PALLD: variants seen among roughly 807,000 people sequenced by gnomAD.
PALLD encodes palladin, cytoskeletal associated protein.
PALLD carries 61 observed loss-of-function variants against 123.5 expected under a neutral mutation model. That is an observed-to-expected ratio of 0.49 (90% CI 0.40 to 0.61). The LOEUF is 0.61. Among genes scored for constraint, PALLD ranks in the 20% least tolerant of loss-of-function variants. The probability of loss-of-function intolerance (pLI) is 0.00; values close to 1 mark genes in which losing one functional copy is unlikely to be tolerated. For synonymous variants in PALLD, 465 were observed against 496.4 expected (o/e 0.94, Z 0.84); for missense variants, 1,273 against 1,377.0 (o/e 0.92, Z 1.20).
At chr4:168,616,888 A>G (rs1774270856) in intron 2 of PALLD, among the ~76,000 whole-genome samples, 1 of 152,160 alleles carries the variant, frequency 6.6e-6, no homozygotes, top group Non-Finnish European at 1.5e-5. Context: ...CTTTGCCCTC[A>G]TGCCTCAAGT....
At chr4:168,767,939 C>G (rs1465302394) in intron 10 of PALLD, among the ~76,000 whole-genome samples, 1 of 152,154 alleles carries the variant, frequency 6.6e-6, no homozygotes, top group Non-Finnish European at 1.5e-5. Flanking sequence ...CCAGCCTTGT[C>G]TCCACCATTG....
chr4:168,705,843 A>G (rs1266185759), intron 8 of PALLD, among the ~76,000 whole-genome samples: 3 of 151,998 alleles, frequency 2.0e-5, no homozygotes, highest in African/African-American at 4.8e-5. Flanking sequence ...GGGTTTCACC[A>G]TGTTGCCCAG....
At chr4:168,638,069 G>A (rs1379166434) in intron 2 of PALLD, among the ~76,000 whole-genome samples, 2 of 151,750 alleles carry the variant, frequency 1.3e-5, no homozygotes, top group Non-Finnish European at 2.9e-5. Flanking sequence ...AAACCACAAG[G>A]TCACAGATGT....
chr4:168,544,122 G>C (rs1383020562), intron 2 of PALLD, among the ~76,000 whole-genome samples: 1 of 152,210 alleles, frequency 6.6e-6, no homozygotes, highest in African/African-American at 2.4e-5. Flanking sequence ...GTATTTATCT[G>C]TGTGAATGTG....
chr4:168,728,631 G>A (rs761679064), intron 10 of PALLD, among the ~76,000 whole-genome samples: 6 of 152,032 alleles, frequency 3.9e-5, no homozygotes, highest in South Asian at 2.1e-4. Context: ...TCTAGATATC[G>A]AATCATATTA....
At chr4:168,913,298 G>C (rs190984499) in intron 15 of PALLD, among the ~76,000 whole-genome samples, 2 of 151,904 alleles carry the variant, frequency 1.3e-5, no homozygotes, top group East Asian at 1.9e-4. Flanking sequence ...CACCACGCCC[G>C]GCTAATTTTT....
chr4:168,499,067 C>T (rs1217987739), intron 1 of PALLD, among the ~76,000 whole-genome samples: 1 of 148,646 alleles, frequency 6.7e-6, no homozygotes, highest in East Asian at 2.0e-4. Context: ...GGAAAATAAT[C>T]CATGTGTATT....
At chr4:168,812,095 T>G (rs1490670658) in intron 10 of PALLD, among the ~76,000 whole-genome samples, 1 of 152,118 alleles carries the variant, frequency 6.6e-6, no homozygotes, top group East Asian at 1.9e-4. Context: ...GAACATGAGG[T>G]GAGAGTGGTT....
At chr4:168,759,098 G>A (rs1216881682) in intron 10 of PALLD, among the ~76,000 whole-genome samples, 2 of 147,234 alleles carry the variant, frequency 1.4e-5, no homozygotes, top group African/African-American at 5.0e-5. Flanking sequence ...AGGATCACTT[G>A]AACCCGGGAG....
At chr4:168,905,790 C>CTTTTTTTTTTTTTTTTTT (rs59427697) in intron 15 of PALLD, among the ~76,000 whole-genome samples, 49 of 113,096 alleles carry the variant, frequency 4.3e-4, no homozygotes, top group Non-Finnish European at 6.8e-4. Context: ...GCTTTTTTTT[C>CTTTTTTTTTTTTTTTTTT]TTTTTTTTTT....
chr4:168,885,387 G>A (rs1365075762), intron 10 of PALLD: 4 of 152,152 alleles, frequency 2.6e-5, no homozygotes, highest in African/African-American at 7.2e-5. Context: ...TACTAAAATT[G>A]CAATGATACA....
chr4:168,583,082 A>G (rs550841212), intron 2 of PALLD, among the ~76,000 whole-genome samples: 1 of 152,298 alleles, frequency 6.6e-6, no homozygotes, highest in East Asian at 1.9e-4. Flanking sequence ...TCTCTTCTAT[A>G]TATTTCAGCC....
intron 10 of PALLD, among the ~76,000 whole-genome samples, chr4:168,889,863 G>C (rs1753909406): frequency 1.3e-5 from 2 of 152,188 alleles, no homozygotes; most frequent in Non-Finnish European, 2.9e-5. Context: ...AATGCTGCTG[G>C]TCCAGGGACC....
At chr4:168,713,747 A>G (rs1471151738) in intron 10 of PALLD, among the ~76,000 whole-genome samples, 1 of 150,698 alleles carries the variant, frequency 6.6e-6, no homozygotes, top group Non-Finnish European at 1.5e-5. Context: ...TAAAATATGA[A>G]TATATATAAA....
intron 1 of PALLD, among the ~76,000 whole-genome samples, chr4:168,506,504 C>T (rs1303434495): frequency 6.6e-6 from 1 of 152,110 alleles, no homozygotes; most frequent in African/African-American, 2.4e-5. Flanking sequence ...TCCGTTTGTC[C>T]TATAATAACT....
rs533000859 is a variant in PALLD at position 168,861,333 on chromosome 4, A to G, written c.1965-29589A>G. Among the ~76,000 whole-genome samples, 8 of 152,120 alleles carry G rather than the reference A, an allele frequency of 5.3e-5. No homozygotes were observed. In the East Asian group the frequency reaches 5.8e-4, roughly 11 times the overall value. On this transcript the variant is annotated intron_variant, in intron 10 of 21. Coordinates refer to ENST00000505667, the MANE Select transcript of PALLD (RefSeq NM_001166108.2). ...TAGAACCACCATACAGCTTATATCT[A>G]TATGCTTATTATGTATGGGCTGGCT...
At chr4:168,811,766 TCTCTCTCTCTCA>T (rs1480358642) in intron 10 of PALLD, among the ~76,000 whole-genome samples, 12 of 94,460 alleles carry the variant, frequency 1.3e-4, no homozygotes, top group East Asian at 2.6e-4. Flanking sequence ...TTTCTCTCTC[TCTCTCTCTCTCA>T]CACACACACA....
chr4:168,692,873 A>G (rs1782760528), intron 8 of PALLD, among the ~76,000 whole-genome samples: 1 of 152,236 alleles, frequency 6.6e-6, no homozygotes, highest in Admixed American at 6.5e-5. Context: ...ATGATGATTT[A>G]TCAAATGTAG....
chr4:168,623,210 AC>A (rs1479576087), intron 2 of PALLD, among the ~76,000 whole-genome samples: 3 of 152,222 alleles, frequency 2.0e-5, no homozygotes, highest in Non-Finnish European at 4.4e-5. Context: ...AACTCACAGT[AC>A]TACCTGAAGG....
Sources: allele counts gnomAD v4.1 joint callset (sites outside exome capture counted in the v4.1 genomes callset), GRCh38; gene constraint gnomAD v4.1.1; transcripts MANE v1.5; gene names NCBI Gene and HGNC (gene_info 2026-07-23, HGNC 2026-07-21).